The following PPM1L variants were observed in gnomAD, a reference collection of about 807,000 sequenced individuals.
PPM1L encodes protein phosphatase 1L.
Under a neutral mutation model 31.4 loss-of-function variants are expected in PPM1L, and 13 were observed. The observed-to-expected ratio is 0.41, with a 90% CI of 0.27 to 0.66. The LOEUF is 0.66. Ranked by LOEUF, PPM1L falls within the 30% of genes least tolerant of loss-of-function variation. The pLI is 0.29. For synonymous variants in PPM1L, 184 were observed against 175.4 expected, an observed-to-expected ratio of 1.05 and a Z score of -0.39; for missense variants, 326 against 453.7, an observed-to-expected ratio of 0.72 and a Z score of 2.56.
At chr3:160,980,126 G>A (rs567399856) in intron 2 of PPM1L, among the ~76,000 whole-genome samples, 1 of 152,116 alleles carries the variant, frequency 6.6e-6, no homozygotes, top group East Asian at 1.9e-4. Context: ...GTAGCATGCT[G>A]GTGGGGATCC....
intron 1 of PPM1L, among the ~76,000 whole-genome samples, chr3:160,855,244 A>G (rs1228438762): frequency 6.6e-6 from 1 of 152,216 alleles, no homozygotes; most frequent in Non-Finnish European, 1.5e-5. Flanking sequence ...TTAAAGACTT[A>G]AATATAAAAC....
chr3:160,845,948 A>G (rs1714061837), intron 1 of PPM1L, among the ~76,000 whole-genome samples: 1 of 152,094 alleles, frequency 6.6e-6, no homozygotes, highest in Non-Finnish European at 1.5e-5. Flanking sequence ...ATAAATAGAA[A>G]GTAGAAATAT....
At position 160,986,554 on chromosome 3, in the gene PPM1L, A is replaced by G. The variant is rs564038472; in HGVS notation, c.574+24644A>G. Among the ~76,000 whole-genome samples, 5 of 152,372 alleles carry G rather than the reference A, an allele frequency of 3.3e-5. No individual in the cohort carries two copies. In the East Asian group the frequency reaches 9.6e-4, roughly 29 times the overall value. On this transcript the variant is annotated intron_variant, in intron 2 of 3. Transcript: ENST00000498165. ...CTGAACCTAGAAAAATAACATTTGT[A>G]TTAATTAATTGCCTGATATATGCTA... is the stretch of plus-strand genomic sequence containing the variant.
At position 160,903,202 on chromosome 3, in the gene PPM1L, G is replaced by GTGT. The variant is rs57599511; in HGVS notation, c.400-58533_400-58532insGTT. 1.9e-3 allele frequency among the ~76,000 whole-genome samples: 155 copies of GTGT among 83,014 alleles called. 1 individual carries two copies. The highest frequency in any genetic ancestry group is 7.4e-3 in the African/African-American group (149 of 20,166). The allele number at this position is 83,014 out of a possible 152,430, so 54.5% of individuals were successfully genotyped here. ...GTGTGTGTGTGTGTGTGGTATGTGT[G>GTGT]TATGTTTGTGTGTGTGTGTGTGTGT... On this transcript the variant is annotated intron_variant, in intron 1 of 3. Coordinates refer to ENST00000498165, the MANE Select transcript of PPM1L (RefSeq NM_139245.4).
chr3:160,862,655 G>GGTACAC (rs1276397044), intron 1 of PPM1L, among the ~76,000 whole-genome samples: 1 of 92,904 alleles, frequency 1.1e-5, no homozygotes, highest in Non-Finnish European at 2.3e-5. Context: ...CCTAATCCTA[G>GGTACAC]GCACACGCAC....
intron 2 of PPM1L, among the ~76,000 whole-genome samples, chr3:161,031,502 C>CT (rs760907219): frequency 0.057 from 5,822 of 101,698 alleles, 750 homozygotes; most frequent in African/African-American, 0.18. Flanking sequence ...GTATTCTGTC[C>CT]TTTTTTTTTT....
chr3:160,869,990 A>G (rs1712245844), intron 1 of PPM1L, among the ~76,000 whole-genome samples: 1 of 151,950 alleles, frequency 6.6e-6, no homozygotes, highest in South Asian at 2.1e-4. Context: ...TGCCACTGTT[A>G]CTCAATCCCT....
At chr3:161,065,282 G>T in intron 2 of PPM1L, 121 bp from the exon 3 acceptor site, 1 of 854,964 alleles carries the variant, frequency 1.2e-6, no homozygotes. Context: ...AGAGTGGCTG[G>T]AGTCAAATTC....
chr3:160,960,163 A>C (rs1307485513), intron 1 of PPM1L, among the ~76,000 whole-genome samples: 1 of 152,168 alleles, frequency 6.6e-6, no homozygotes, highest in East Asian at 1.9e-4. Flanking sequence ...ATATATATAT[A>C]TCAGTATGTA....
In PPM1L at chr3:160,961,666, G is replaced by A. The variant is rs1715967702; in HGVS notation, c.400-70G>A. The A allele has an allele frequency of 4.3e-6, 6 of 1,381,534 alleles. No individual in the cohort carries two copies. The South Asian group carries it at 6.0e-5, about 14-fold the overall frequency. The allele number at this position is 1,381,534 out of a possible 1,614,324, so 85.6% of individuals were successfully genotyped here. A position where few individuals can be genotyped will look rare whatever the true frequency, so the allele number is the denominator to read the frequency against. Reference sequence around the variant, plus strand: ...GCTTTGAGCTTTCTCTATAGCACCTGAGGGTAAGTAAAAAGTCTAAGGGGA... The same window carrying A: ...GCTTTGAGCTTTCTCTATAGCACCTAAGGGTAAGTAAAAAGTCTAAGGGGA... On this transcript the variant is annotated intron_variant, in intron 1 of 3. Coordinates refer to ENST00000498165, the MANE Select transcript of PPM1L (RefSeq NM_139245.4).
chr3:161,072,866 T>G lies in PPM1L; in HGVS notation c.*3709T>G, dbSNP rs769554203. ...AAACTTTTCCAATGATTTCAGAAAT[T>G]CTTTTTTCCTCCTTTTGACCCACAA... is the stretch of plus-strand genomic sequence containing the variant. On this transcript the variant is annotated 3_prime_UTR_variant, in exon 4 of 4. Coordinates refer to ENST00000498165, the MANE Select transcript of PPM1L (RefSeq NM_139245.4). 2.0e-5 allele frequency: 3 copies of G among 152,230 alleles called. No homozygotes were observed. The highest frequency in any genetic ancestry group is 4.4e-5 in the Non-Finnish European group (3 of 68,050). The allele number at this position is 152,230 out of a possible 1,614,324, so 9.4% of individuals were successfully genotyped here.
chr3:161,008,376 C>G (rs1717783732), intron 2 of PPM1L, among the ~76,000 whole-genome samples: 1 of 152,170 alleles, frequency 6.6e-6, no homozygotes, highest in African/African-American at 2.4e-5. Flanking sequence ...TCCTTTTTGT[C>G]CAATCACATT....
intron 2 of PPM1L, among the ~76,000 whole-genome samples, chr3:160,985,213 T>C (rs1377258232): frequency 1.3e-5 from 2 of 152,198 alleles, no homozygotes; most frequent in East Asian, 1.9e-4. Context: ...CAGATGGTGT[T>C]TTGTTACATG....
At chr3:160,988,331 T>C (rs1576764724) in intron 2 of PPM1L, among the ~76,000 whole-genome samples, 1 of 152,232 alleles carries the variant, frequency 6.6e-6, no homozygotes, top group South Asian at 2.1e-4. Context: ...AACCTTGTTC[T>C]TGAAATGAGA....
intron 1 of PPM1L, among the ~76,000 whole-genome samples, chr3:160,830,243 C>G (rs922796623): frequency 6.6e-6 from 1 of 152,184 alleles, no homozygotes; most frequent in African/African-American, 2.4e-5. Flanking sequence ...ACTGTGGACC[C>G]TGTGCTTTAC....
chr3:160,924,469 G>A (rs1161714909), intron 1 of PPM1L, among the ~76,000 whole-genome samples: 1 of 152,178 alleles, frequency 6.6e-6, no homozygotes, highest in Non-Finnish European at 1.5e-5. Flanking sequence ...GTAATAGGAA[G>A]AAAGAATCAA....
chr3:160,801,139 A>G (rs1209411225), intron 1 of PPM1L, among the ~76,000 whole-genome samples: 1 of 147,276 alleles, frequency 6.8e-6, no homozygotes, highest in Non-Finnish European at 1.5e-5. Context: ...ACACACACAC[A>G]CACACACACA....
intron 3 of PPM1L, among the ~76,000 whole-genome samples, chr3:161,065,883 A>G (rs1229175278): frequency 6.6e-6 from 1 of 152,148 alleles, no homozygotes; most frequent in African/African-American, 2.4e-5. Flanking sequence ...CTAACTACTA[A>G]TCATTCCTAA....
intron 1 of PPM1L, among the ~76,000 whole-genome samples, chr3:160,820,895 A>G (rs747797536): frequency 2.6e-5 from 4 of 152,068 alleles, no homozygotes; most frequent in African/African-American, 4.8e-5. Flanking sequence ...GAGTTTTTTT[A>G]AGGATATATT....
Sources: gnomAD v4.1 joint callset for allele counts (sites outside exome capture counted in the v4.1 genomes callset) on GRCh38, gnomAD v4.1.1 for gene constraint, MANE v1.5 for transcripts, NCBI Gene and HGNC (gene_info 2026-07-23, HGNC 2026-07-21) for gene names.